Variants in WDR70 observed in about 807,000 individuals in gnomAD.
The protein encoded by WDR70 is WD repeat-containing protein 70.
In WDR70, 53 loss-of-function variants were observed where a neutral mutation model predicts 88.6. The ratio of observed to expected loss-of-function variants is 0.60; its 90% CI spans 0.48 to 0.75. The LOEUF (loss-of-function observed/expected upper bound fraction) is 0.75, where lower values mean the gene tolerates loss of function less well. Ranked by LOEUF, WDR70 falls within the 30% of genes least tolerant of loss-of-function variation. The pLI is 0.00. For missense variants in WDR70, 610 were observed against 823.2 expected, an observed-to-expected ratio of 0.74 and a Z score of 3.17; for synonymous variants, 280 against 270.0, an observed-to-expected ratio of 1.04 and a Z score of -0.36.
At chr5:37,726,804 A>AAGT in intron 16 of WDR70, 79 bp from the exon 17 acceptor site, 1 of 1,377,344 alleles carries the variant, frequency 7.3e-7, no homozygotes, top group Non-Finnish European at 9.6e-7. Context: ...GTGCTCAGAT[A>AAGT]AGTACAGTGT....
chr5:37,483,696 A>C (rs1489849188), intron 8 of WDR70, among the ~76,000 whole-genome samples: 1 of 149,044 alleles, frequency 6.7e-6, no homozygotes. Flanking sequence ...GGCGCCCCCC[A>C]CCTCCCAGAC....
At chr5:37,541,170 CTG>C (rs1309821052) in intron 9 of WDR70, among the ~76,000 whole-genome samples, 31 of 152,318 alleles carry the variant, frequency 2.0e-4, no homozygotes, top group African/African-American at 7.5e-4. Context: ...AGTCCCTTCA[CTG>C]TGAGTGACTT....
chr5:37,639,583 A>T (rs1423104207), intron 10 of WDR70, among the ~76,000 whole-genome samples: 2 of 152,022 alleles, frequency 1.3e-5, no homozygotes, highest in Non-Finnish European at 2.9e-5. Context: ...TTTGTTGTAC[A>T]ATTCTGCCCA....
chr5:37,443,619 G>A lies in WDR70; in HGVS notation c.686+247G>A, dbSNP rs554266723. The stretch of plus-strand genomic sequence containing the variant: ...TGTAATTCCAGAACTTTAGAAAGCC[G>A]AGGCAGGCGGATCACCTGAGGCCTG... On this transcript the variant is annotated intron_variant, in intron 7 of 17. Transcript: ENST00000265107. Among the ~76,000 whole-genome samples the A allele has an allele frequency of 6.6e-5, 10 of 152,312 alleles. No individual in the cohort carries two copies. In the South Asian group the frequency reaches 1.7e-3, roughly 25 times the overall value.
intron 10 of WDR70, among the ~76,000 whole-genome samples, chr5:37,650,274 G>A (rs374111962): frequency 1.3e-5 from 2 of 151,626 alleles, no homozygotes; most frequent in Admixed American, 6.6e-5. Context: ...GGTGGTGGGC[G>A]CCTGTAGTCC....
chr5:37,448,356 C>T (rs1032956136), intron 7 of WDR70, among the ~76,000 whole-genome samples: 10 of 152,186 alleles, frequency 6.6e-5, no homozygotes, highest in Admixed American at 2.0e-4. Flanking sequence ...CCGAGTAGCC[C>T]GTCTTTCTTT....
chr5:37,461,070 A>AT (rs887295295), intron 7 of WDR70, among the ~76,000 whole-genome samples: 1 of 145,974 alleles, frequency 6.9e-6, no homozygotes, highest in African/African-American at 2.6e-5. Context: ...TCTATTGTTT[A>AT]TTTTTTGTAA....
intron 7 of WDR70, among the ~76,000 whole-genome samples, chr5:37,473,615 A>G (rs1739394523): frequency 6.6e-6 from 1 of 152,180 alleles, no homozygotes; most frequent in Non-Finnish European, 1.5e-5. Context: ...ACGTGCTGGG[A>G]TTACAGGCTT....
intron 8 of WDR70, among the ~76,000 whole-genome samples, chr5:37,484,428 G>A (rs1299161135): frequency 2.0e-5 from 3 of 152,170 alleles, no homozygotes; most frequent in South Asian, 4.1e-4. Context: ...GGCGGCGCGC[G>A]CCTGCAATCG....
chr5:37,701,123 C>G lies in WDR70; in HGVS notation c.1258C>G (p.Leu420Val). Residue 420 changes from leucine to valine, a missense_variant, in exon 12 of 18, where the codon CTT (leucine) becomes GTT (valine). Physicochemically the swap from Leu to Val is conservative, Grantham distance 32 (BLOSUM62 1). Coordinates refer to ENST00000265107, the MANE Select transcript of WDR70 (RefSeq NM_018034.4). Reference protein sequence around the residue: ...FNKPLFSASGLPTMFPMTDCC... With the variant: ...FNKPLFSASGVPTMFPMTDCC... ...TAAACCACTTTTTTCAGCCTCGGGT[C>G]TTCCCACCATGTTCCCAATGTAAGT... is the stretch of plus-strand genomic sequence containing the variant. 1 of 1,607,500 alleles carries G rather than the reference C, an allele frequency of 6.2e-7. No individual in the cohort carries two copies. The highest frequency in any genetic ancestry group is 8.5e-7 in the Non-Finnish European group (1 of 1,174,370).
chr5:37,384,173 CTTTTTTTTTTTTT>C (rs57075180), intron 3 of WDR70, among the ~76,000 whole-genome samples: 4 of 107,870 alleles, frequency 3.7e-5, no homozygotes, highest in Non-Finnish European at 5.6e-5. Context: ...ACTTTCCCCC[CTTTTTTTTTTTTT>C]TTTTTTTTAT....
intron 15 of WDR70, chr5:37,723,331 AAGTG>A: frequency 5.2e-6 from 1 of 191,476 alleles, no homozygotes; most frequent in East Asian, 1.3e-4. Context: ...TTAATCAGGG[AAGTG>A]TGGCGACCAG....
chr5:37,702,987 T>A lies in WDR70; in HGVS notation c.1316T>A (p.Val439Asp). 4.3e-6 allele frequency: 7 copies of A among 1,613,692 alleles called. No homozygotes were observed. The highest frequency in any genetic ancestry group is 5.9e-6 in the Non-Finnish European group (7 of 1,179,622). ...CCFSPDDKLI[V>D]TGTSIQRGCG... ...TTCAGTCCAGATGATAAGCTCATAG[T>A]CACTGGTACATCTATTCAAAGAGGA... is the stretch of plus-strand genomic sequence containing the variant. The change falls in exon 13 of 18, where the codon GTC becomes GAC. Residue 439 changes from valine (V) to aspartate (D), a missense_variant. This residue lies in a region of WDR70 where 254 missense variants were observed against 300.7 expected (regional missense o/e 0.84). Transcript: ENST00000265107.
intron 5 of WDR70, among the ~76,000 whole-genome samples, chr5:37,410,850 A>G (rs1405473053): frequency 6.6e-6 from 1 of 152,234 alleles, no homozygotes; most frequent in Non-Finnish European, 1.5e-5. Context: ...AGAACTGTAA[A>G]TAAACATCTA....
intron 10 of WDR70, among the ~76,000 whole-genome samples, chr5:37,689,205 A>G (rs534642254): frequency 6.6e-6 from 1 of 152,380 alleles, no homozygotes; most frequent in South Asian, 2.1e-4. Context: ...GGTGGAGCCC[A>G]CTGCAGCTAA....
At chr5:37,620,071 A>G (rs904248854) in intron 10 of WDR70, 1 of 152,010 alleles carries the variant, frequency 6.6e-6, no homozygotes, top group African/African-American at 2.4e-5. Context: ...ATTTTAGTAT[A>G]TATGCTGCCG....
intron 8 of WDR70, among the ~76,000 whole-genome samples, chr5:37,497,471 T>TCCTTCCCCCTTCCCTTC (rs1740264018): frequency 2.1e-5 from 1 of 48,422 alleles, no homozygotes; most frequent in Non-Finnish European, 4.9e-5. Flanking sequence ...GTCTTCCCTT[T>TCCTTCCCCCTTCCCTTC]CCTTCCCTCT....
At position 37,443,239 on chromosome 5, in the gene WDR70, G is replaced by T. The variant is rs1738333532; in HGVS notation, c.553G>T (p.Val185Leu). The T allele has an allele frequency of 2.5e-6, 4 of 1,608,192 alleles. No homozygotes were observed. Among genetic ancestry groups the T allele is most frequent in the Non-Finnish European group, 2.5e-6 (3 of 1,177,530 alleles). ...EITLKHGTKT[V>L]SALGLDPSGA... The stretch of plus-strand genomic sequence containing the variant: ...TTTTATTTTATTTTTTTAAAACCAG[G>T]TGTCTGCTTTGGGTCTGGATCCCTC... Residue 185 changes from valine (V) to leucine (L), a missense_variant and splice_region_variant, in exon 7 of 18, where the codon GTG (valine) becomes TTG (leucine). Transcript: ENST00000265107.
At chr5:37,558,310 A>G (rs1359727415) in intron 9 of WDR70, among the ~76,000 whole-genome samples, 2 of 151,926 alleles carry the variant, frequency 1.3e-5, no homozygotes, top group African/African-American at 2.4e-5. Context: ...TTTGAACACA[A>G]TGTATTTAGC....
Sources: gnomAD v4.1 joint callset for allele counts (sites outside exome capture counted in the v4.1 genomes callset) on GRCh38, gnomAD v4.1.1 for gene constraint, gnomAD v4.1.1 regional missense constraint, MANE v1.5 for transcripts, NCBI Gene and HGNC (gene_info 2026-07-23, HGNC 2026-07-21) for gene names.